EIF4EBP1: variants seen among roughly 807,000 people sequenced by gnomAD.
The protein encoded by EIF4EBP1 is eukaryotic translation initiation factor 4E binding protein 1.
EIF4EBP1 carries 5 observed loss-of-function variants against 9.2 expected under a neutral mutation model. The ratio of observed to expected loss-of-function variants is 0.54; its 90% CI spans 0.28 to 1.14. EIF4EBP1 has a LOEUF of 1.14. Ranked by LOEUF, EIF4EBP1 falls within the 50% of genes most tolerant of loss-of-function variation. The pLI is 0.09. For synonymous variants in EIF4EBP1, 62 were observed against 67.0 expected, an observed-to-expected ratio of 0.93 and a Z score of 0.36; for missense variants, 139 against 169.6, an observed-to-expected ratio of 0.82 and a Z score of 1.00.
intron 1 of EIF4EBP1, among the ~76,000 whole-genome samples, chr8:38,049,390 A>G (rs1809488061): frequency 6.6e-6 from 1 of 151,822 alleles, no homozygotes; most frequent in Non-Finnish European, 1.5e-5. Flanking sequence ...AATGATGTTA[A>G]CTGAGTGTTT....
chr8:38,034,414 A>G (rs1436277011), intron 1 of EIF4EBP1, among the ~76,000 whole-genome samples: 1 of 152,170 alleles, frequency 6.6e-6, no homozygotes, highest in South Asian at 2.1e-4. Context: ...TTAGCTGTCC[A>G]GAGTACTTAA....
chr8:38,059,986 T>A lies in EIF4EBP1; in HGVS notation c.*51T>A. 6.8e-7 allele frequency: 1 copy of A among 1,463,306 alleles called. No individual in the cohort carries two copies. The highest frequency in any genetic ancestry group is 1.2e-5 in the South Asian group (1 of 82,436). The allele number at this position is 1,463,306 out of a possible 1,614,324, so 90.6% of individuals were successfully genotyped here. On this transcript the variant is annotated 3_prime_UTR_variant, in exon 3 of 3. Coordinates refer to ENST00000338825, the MANE Select transcript of EIF4EBP1 (RefSeq NM_004095.4). ...ACCAAGGGGCCCCTCAGGGCCTTCC[T>A]GGGAGGAGTCCCACCAGCCAGGCCT...
intron 1 of EIF4EBP1, among the ~76,000 whole-genome samples, chr8:38,043,074 CG>C (rs1809404526): frequency 6.6e-6 from 1 of 151,988 alleles, no homozygotes; most frequent in Non-Finnish European, 1.5e-5. Context: ...CTCACACACA[CG>C]AAAAAAAGTT....
intron 1 of EIF4EBP1, among the ~76,000 whole-genome samples, chr8:38,044,475 A>G (rs971887184): frequency 1.6e-4 from 24 of 152,224 alleles, no homozygotes; most frequent in African/African-American, 5.3e-4. Flanking sequence ...GTCTCACTCT[A>G]TCACCCAGGC....
intron 1 of EIF4EBP1, among the ~76,000 whole-genome samples, chr8:38,054,658 C>T (rs1809570352): frequency 6.6e-6 from 1 of 152,144 alleles, no homozygotes; most frequent in African/African-American, 2.4e-5. Flanking sequence ...TTGTACAACC[C>T]CAAGCCTTGC....
chr8:38,033,405 G>C (rs1809253364), intron 1 of EIF4EBP1, among the ~76,000 whole-genome samples: 1 of 151,368 alleles, frequency 6.6e-6, no homozygotes, highest in Non-Finnish European at 1.5e-5. Flanking sequence ...ACTGATTGGT[G>C]CACATACCAC....
chr8:38,059,849 A>AT, intron 2 of EIF4EBP1, 55 bp from the exon 3 acceptor site: 1 of 1,453,062 alleles, frequency 6.9e-7, no homozygotes, highest in Non-Finnish European at 9.4e-7. Flanking sequence ...GAATGGCCTC[A>AT]TATACCAAGC....
chr8:38,046,891 C>T (rs1235526071), intron 1 of EIF4EBP1, among the ~76,000 whole-genome samples: 1 of 152,202 alleles, frequency 6.6e-6, no homozygotes. Flanking sequence ...CAGCACACAA[C>T]GGGCTGGATC....
At chr8:38,046,899 A>G (rs1385239019) in intron 1 of EIF4EBP1, among the ~76,000 whole-genome samples, 1 of 152,190 alleles carries the variant, frequency 6.6e-6, no homozygotes, top group Non-Finnish European at 1.5e-5. Flanking sequence ...AACGGGCTGG[A>G]TCCCAGCTAC....
At chr8:38,053,371 T>C (rs1008046837) in intron 1 of EIF4EBP1, among the ~76,000 whole-genome samples, 2 of 152,144 alleles carry the variant, frequency 1.3e-5, no homozygotes, top group Non-Finnish European at 2.9e-5. Flanking sequence ...TCGCCCAGGC[T>C]GGAGGGCAGC....
intron 1 of EIF4EBP1, among the ~76,000 whole-genome samples, chr8:38,043,339 C>G (rs1023651901): frequency 6.6e-6 from 1 of 151,260 alleles, no homozygotes; most frequent in African/African-American, 2.4e-5. Context: ...CTGTCAAAGC[C>G]AATTTTCTTT....
chr8:38,033,898 G>A (rs747001503), intron 1 of EIF4EBP1, among the ~76,000 whole-genome samples: 1 of 151,530 alleles, frequency 6.6e-6, no homozygotes, highest in Non-Finnish European at 1.5e-5. Context: ...AGGCGCCCGC[G>A]ATCAAGCCCG....
intron 1 of EIF4EBP1, 116 bp downstream of exon 1, chr8:38,030,834 A>C: frequency 7.5e-7 from 1 of 1,331,380 alleles, no homozygotes; most frequent in Non-Finnish European, 9.6e-7. Context: ...AAGAACGGAA[A>C]AGGGGCATCG....
At chr8:38,035,181 G>A (rs1809281794) in intron 1 of EIF4EBP1, among the ~76,000 whole-genome samples, 1 of 151,712 alleles carries the variant, frequency 6.6e-6, no homozygotes, top group African/African-American at 2.4e-5. Context: ...CTGGTGTAGA[G>A]CACTCCAAAA....
intron 2 of EIF4EBP1, among the ~76,000 whole-genome samples, chr8:38,057,774 G>A (rs1165091278): frequency 6.6e-6 from 1 of 152,190 alleles, no homozygotes. Flanking sequence ...AAACAATGCA[G>A]CCAGTTGTCT....
chr8:38,043,194 T>C (rs1329876402), intron 1 of EIF4EBP1, among the ~76,000 whole-genome samples: 1 of 152,076 alleles, frequency 6.6e-6, no homozygotes, highest in African/African-American at 2.4e-5. Context: ...AGAAGGTCAT[T>C]CCCTATTGGT....
intron 1 of EIF4EBP1, 122 bp from the exon 2 acceptor site, chr8:38,056,959 A>G: frequency 9.5e-7 from 1 of 1,050,500 alleles, no homozygotes; most frequent in Non-Finnish European, 1.4e-6. Context: ...CACCGCACCC[A>G]GCCTCCTCTG....
intron 1 of EIF4EBP1, among the ~76,000 whole-genome samples, chr8:38,056,596 G>C (rs1809598026): frequency 6.6e-6 from 1 of 151,912 alleles, no homozygotes; most frequent in Non-Finnish European, 1.5e-5. Flanking sequence ...AAGGGGAGTT[G>C]GGGCCGTTTG....
chr8:38,052,068 C>T (rs946499560), intron 1 of EIF4EBP1, among the ~76,000 whole-genome samples: 5 of 152,148 alleles, frequency 3.3e-5, no homozygotes, highest in African/African-American at 9.7e-5. Context: ...GTGGAGGCCA[C>T]CCTAGCGTGA....
Sources: gnomAD v4.1 joint callset for allele counts (sites outside exome capture counted in the v4.1 genomes callset) on GRCh38, gnomAD v4.1.1 for gene constraint, MANE v1.5 for transcripts, NCBI Gene and HGNC (gene_info 2026-07-23, HGNC 2026-07-21) for gene names.